The following GNA14 variants were observed in gnomAD, a reference collection of about 807,000 sequenced individuals.
GNA14 encodes G protein subunit alpha 14, also known as guanine nucleotide-binding protein subunit alpha-14.
GNA14 carries 50 observed loss-of-function variants against 42.0 expected under a neutral mutation model. The observed-to-expected ratio is 1.19, with a 90% confidence interval of 0.95 to 1.51. The LOEUF (loss-of-function observed/expected upper bound fraction) is 1.51. Among genes scored for constraint, GNA14 ranks in the 40% most tolerant of loss-of-function variants. The pLI, the probability that GNA14 is intolerant of heterozygous loss-of-function variation, is 0.00. For synonymous variants in GNA14, 173 were observed against 163.1 expected, an observed-to-expected ratio of 1.06 and a Z score of -0.46; for missense variants, 473 against 446.2, an observed-to-expected ratio of 1.06 and a Z score of -0.54.
At chr9:77,497,630 C>T (rs1327844992) in intron 2 of GNA14, among the ~76,000 whole-genome samples, 1 of 151,290 alleles carries the variant, frequency 6.6e-6, no homozygotes. Context: ...GTGGAGACCA[C>T]GTTCCTGACA....
intron 2 of GNA14, among the ~76,000 whole-genome samples, chr9:77,513,966 T>G (rs76897893): frequency 6.6e-6 from 1 of 150,800 alleles, no homozygotes; most frequent in East Asian, 2.0e-4. Context: ...TTTTTTTTTT[T>G]GGCCCTCAGG....
At chr9:77,429,166 C>G in intron 4 of GNA14, 130 bp from the exon 5 acceptor site, 1 of 847,278 alleles carries the variant, frequency 1.2e-6, no homozygotes, top group Non-Finnish European at 1.8e-6. Flanking sequence ...AAAAGAGGTT[C>G]TAAGTTTTAA....
intron 1 of GNA14, among the ~76,000 whole-genome samples, chr9:77,555,925 T>C (rs1418166955): frequency 6.6e-6 from 1 of 152,184 alleles, no homozygotes; most frequent in African/African-American, 2.4e-5. Flanking sequence ...AGTCTCATAA[T>C]ACCATTTGCT....
At chr9:77,463,076 A>AGCTCTGATCTTGAT (rs1315118999) in intron 2 of GNA14, among the ~76,000 whole-genome samples, 20 of 152,326 alleles carry the variant, frequency 1.3e-4, no homozygotes, top group Admixed American at 6.5e-4. Context: ...CAGATCACTA[A>AGCTCTGATCTTGAT]GCTCTGATCT....
chr9:77,479,889 T>C (rs1350204738), intron 2 of GNA14, among the ~76,000 whole-genome samples: 3 of 152,166 alleles, frequency 2.0e-5, no homozygotes, highest in Non-Finnish European at 2.9e-5. Context: ...GTGATTTTTG[T>C]ACATTGATTT....
At chr9:77,602,144 T>C (rs961265167) in intron 1 of GNA14, among the ~76,000 whole-genome samples, 1 of 152,156 alleles carries the variant, frequency 6.6e-6, no homozygotes, top group Non-Finnish European at 1.5e-5. Context: ...ATGAATGATA[T>C]TGCCAGAATG....
chr9:77,645,730 A>C (rs1311781375), intron 1 of GNA14, among the ~76,000 whole-genome samples: 1 of 152,180 alleles, frequency 6.6e-6, no homozygotes. Context: ...AAACAGGCTT[A>C]TTACCAATAC....
chr9:77,572,961 T>G (rs1429874968), intron 1 of GNA14, among the ~76,000 whole-genome samples: 2 of 152,228 alleles, frequency 1.3e-5, no homozygotes, highest in Admixed American at 1.3e-4. Context: ...AAACTATGAC[T>G]AATAAGCCAA....
chr9:77,633,318 G>C (rs183751943), intron 1 of GNA14, among the ~76,000 whole-genome samples: 2 of 152,234 alleles, frequency 1.3e-5, no homozygotes, highest in Admixed American at 1.3e-4. Flanking sequence ...CAGCAGAAAA[G>C]AGTGTTGTAG....
chr9:77,440,131 G>C (rs1835707976), intron 2 of GNA14, among the ~76,000 whole-genome samples: 1 of 152,224 alleles, frequency 6.6e-6, no homozygotes, highest in African/African-American at 2.4e-5. Flanking sequence ...GCTCATATCT[G>C]GCTTTCTCTT....
intron 3 of GNA14, 113 bp downstream of exon 3, chr9:77,434,255 T>C: frequency 2.1e-6 from 2 of 946,884 alleles, no homozygotes; most frequent in Non-Finnish European, 3.2e-6. Flanking sequence ...CAAAGGCAAG[T>C]AGCGCTGCCA....
chr9:77,580,271 A>T (rs185239350), intron 1 of GNA14: 2 of 300,484 alleles, frequency 6.7e-6, no homozygotes, highest in Non-Finnish European at 1.4e-5. Flanking sequence ...TTTGGAAGCA[A>T]ACTGAATCCA....
At chr9:77,478,559 G>A (rs1303691887) in intron 2 of GNA14, among the ~76,000 whole-genome samples, 1 of 151,992 alleles carries the variant, frequency 6.6e-6, no homozygotes, top group Non-Finnish European at 1.5e-5. Flanking sequence ...GGGATGGCTG[G>A]GTCAAATGGT....
At chr9:77,553,289 G>A (rs1837808128) in intron 1 of GNA14, among the ~76,000 whole-genome samples, 1 of 152,082 alleles carries the variant, frequency 6.6e-6, no homozygotes, top group Non-Finnish European at 1.5e-5. Flanking sequence ...GAATGTTTAT[G>A]GAGAAACCAT....
chr9:77,430,495 A>C (rs1835528756), intron 4 of GNA14, among the ~76,000 whole-genome samples: 1 of 152,244 alleles, frequency 6.6e-6, no homozygotes, highest in Admixed American at 6.5e-5. Context: ...GAGGGCTACT[A>C]TTAAAATCAG....
chr9:77,608,759 A>AT (rs1382407990), intron 1 of GNA14, among the ~76,000 whole-genome samples: 2 of 72,924 alleles, frequency 2.7e-5, no homozygotes, highest in African/African-American at 4.0e-5. Flanking sequence ...CTTTTTAATA[A>AT]TTTTTTCTAA....
At chr9:77,426,735 T>G (rs994253141) in intron 5 of GNA14, among the ~76,000 whole-genome samples, 10 of 152,232 alleles carry the variant, frequency 6.6e-5, no homozygotes, top group African/African-American at 2.2e-4. Flanking sequence ...CCTAATTTAC[T>G]GAGAACAGAC....
chr9:77,464,516 G>A (rs376836273), intron 2 of GNA14, among the ~76,000 whole-genome samples: 8 of 150,802 alleles, frequency 5.3e-5, no homozygotes, highest in African/African-American at 2.0e-4. Context: ...TTAATCTAGG[G>A]ATATTCTTAT....
At chr9:77,482,688 A>T (rs1181433069) in intron 2 of GNA14, among the ~76,000 whole-genome samples, 1 of 152,210 alleles carries the variant, frequency 6.6e-6, no homozygotes, top group Admixed American at 6.5e-5. Flanking sequence ...ACTTTCAGGT[A>T]CACCAATCAG....
Sources: gnomAD v4.1 joint callset for allele counts (sites outside exome capture counted in the v4.1 genomes callset) on GRCh38, gnomAD v4.1.1 for gene constraint, MANE v1.5 for transcripts, NCBI Gene and HGNC (gene_info 2026-07-23, HGNC 2026-07-21) for gene names.